Variants in PRUNE2 observed in about 807,000 individuals in gnomAD.
PRUNE2 encodes the protein protein prune homolog 2.
In PRUNE2, 164 loss-of-function variants were observed where a neutral mutation model predicts 252.0. The observed-to-expected ratio is 0.65, with a 90% CI of 0.57 to 0.74. PRUNE2 has a LOEUF of 0.74. PRUNE2 is among the 30% of genes least tolerant of loss of function. The pLI is 0.00. For synonymous variants in PRUNE2, 1,292 were observed against 1,350.2 expected (o/e 0.96, Z 0.94); for missense variants, 3,495 against 3,711.0 (o/e 0.94, Z 1.51).
chr9:76,701,764 T>C (rs1459169463), intron 9 of PRUNE2, among the ~76,000 whole-genome samples: 1 of 152,226 alleles, frequency 6.6e-6, no homozygotes, highest in East Asian at 1.9e-4. Flanking sequence ...ATTCTTTCCA[T>C]TGTCCTTGTT....
rs371500596 is a variant in PRUNE2, at chr9:76,642,086, GT to G, written c.8728+2652del. The G allele has an allele frequency of 6.3e-5, 53 of 842,578 alleles. No homozygotes were observed. The Middle Eastern group carries it at 8.8e-4, about 14-fold the overall frequency. 52.2% of individuals were successfully genotyped at this position (842,578 alleles called of 1,614,324 possible). Reference sequence around the variant, plus strand: ...TTATTGTTCTCCATTATTTAAATGGGTTTCTCAGCTCCAAGTTCAAAAAAAA... The same window carrying G: ...TTATTGTTCTCCATTATTTAAATGGGTTCTCAGCTCCAAGTTCAAAAAAAA... On this transcript the variant is annotated intron_variant, in intron 12 of 18. Coordinates refer to ENST00000376718, the MANE Select transcript of PRUNE2 (RefSeq NM_015225.3).
At position 76,809,830 on chromosome 9, in the gene PRUNE2, C is replaced by A. The variant is rs1010235365; in HGVS notation, c.756+13802G>T. On this transcript the variant is annotated intron_variant, in intron 6 of 18. Transcript: ENST00000376718. ...AAAATAAATGTTTGATGACAAATGA[C>A]CACGTTAATGGGTGATTAAGTGGAT... 3.3e-5 allele frequency among the ~76,000 whole-genome samples: 5 copies of A among 152,312 alleles called. No individual in the cohort carries two copies. The East Asian group carries it at 7.7e-4, about 23-fold the overall frequency.
At chr9:76,642,543 C>T (rs999462617) in intron 12 of PRUNE2, among the ~76,000 whole-genome samples, 2 of 152,194 alleles carry the variant, frequency 1.3e-5, no homozygotes, top group African/African-American at 4.8e-5. Context: ...GTGTAGCTGG[C>T]ACTTCTCTAC....
At chr9:76,663,247 T>C (rs2039474015) in intron 9 of PRUNE2, among the ~76,000 whole-genome samples, 2 of 152,228 alleles carry the variant, frequency 1.3e-5, no homozygotes, top group Admixed American at 1.3e-4. Context: ...AACAGTTCGC[T>C]AACCCAGCTG....
intron 9 of PRUNE2, among the ~76,000 whole-genome samples, chr9:76,689,696 C>T (rs1423208712): frequency 6.6e-6 from 1 of 152,074 alleles, no homozygotes; most frequent in East Asian, 1.9e-4. Context: ...GGAAGTAGCA[C>T]AAGGTCCAGA....
At chr9:76,843,725 CTTTTTTTTTT>C (rs71501394) in intron 4 of PRUNE2, among the ~76,000 whole-genome samples, 1 of 128,174 alleles carries the variant, frequency 7.8e-6, no homozygotes. Flanking sequence ...CTTGATTCCT[CTTTTTTTTTT>C]TTTTTTTTTT....
chr9:76,629,763 C>T (rs1836680187), intron 15 of PRUNE2, among the ~76,000 whole-genome samples: 1 of 152,122 alleles, frequency 6.6e-6, no homozygotes, highest in African/African-American at 2.4e-5. Flanking sequence ...CACTCCCAAC[C>T]CCCAGCTTCT....
chr9:76,781,979 C>T (rs1246337617), intron 6 of PRUNE2, among the ~76,000 whole-genome samples: 1 of 151,888 alleles, frequency 6.6e-6, no homozygotes, highest in Non-Finnish European at 1.5e-5. Context: ...CTTTGGGAGG[C>T]CGAAGCAGGT....
intron 1 of PRUNE2, among the ~76,000 whole-genome samples, chr9:76,869,975 A>G (rs1337990160): frequency 6.6e-6 from 1 of 152,194 alleles, no homozygotes; most frequent in Non-Finnish European, 1.5e-5. Flanking sequence ...TAGATTATGG[A>G]AGGGACCTTT....
chr9:76,844,878 A>T (rs542199445), intron 4 of PRUNE2, among the ~76,000 whole-genome samples: 1 of 151,980 alleles, frequency 6.6e-6, no homozygotes, highest in Admixed American at 6.6e-5. Context: ...GAAAAGCAAA[A>T]TCCAGCCAGG....
At chr9:76,760,032 C>A (rs2051547005) in intron 6 of PRUNE2, 1 of 152,272 alleles carries the variant, frequency 6.6e-6, no homozygotes, top group Non-Finnish European at 1.5e-5. Flanking sequence ...TGTACACTAA[C>A]ATAATAATAG....
chr9:76,707,438 C>A lies in PRUNE2; in HGVS notation c.4836G>T (p.Lys1612Asn), dbSNP rs1403864708. The A allele has an allele frequency of 1.9e-6, 3 of 1,613,814 alleles. No homozygotes were observed. In the African/African-American group the frequency reaches 4.0e-5, roughly 22 times the overall value. Residue 1612 changes from lysine (K) to asparagine (N), a missense_variant, in exon 8 of 19, where the codon AAG becomes AAT. Coordinates refer to ENST00000376718, the MANE Select transcript of PRUNE2 (RefSeq NM_015225.3). ...LEKNRINEFE[K>N]SFDRKTPTFL... ...ATGTAGGAGTTTTGCGATCAAAGCT[C>A]TTTTCAAACTCATTTATTCTGTTTT...
intron 1 of PRUNE2, among the ~76,000 whole-genome samples, chr9:76,875,555 G>A (rs1370248423): frequency 6.6e-6 from 1 of 151,870 alleles, no homozygotes; most frequent in Admixed American, 6.6e-5. Flanking sequence ...TAGTAGAGAC[G>A]GGGTTTCACC....
chr9:76,826,518 C>T, intron 5 of PRUNE2, 62 bp downstream of exon 5: 2 of 1,221,954 alleles, frequency 1.6e-6, no homozygotes, highest in Non-Finnish European at 2.3e-6. Context: ...TCTGATGATG[C>T]TCCATGCCAC....
chr9:76,629,292 TAA>T lies in PRUNE2; in HGVS notation c.9051-4_9051-3del, dbSNP rs370679936. ...TTAATTTTACTGCTGAATTTTGAACTAAAAAAAAAAAAAAGAAAAAAATATGT... is the reference window on the plus strand; with the variant it reads ...TTAATTTTACTGCTGAATTTTGAACTAAAAAAAAAAAAGAAAAAAATATGT... On this transcript the variant is annotated splice_region_variant and splice_polypyrimidine_tract_variant and intron_variant, in intron 15 of 18. Coordinates refer to ENST00000376718, the MANE Select transcript of PRUNE2 (RefSeq NM_015225.3). The T allele has an allele frequency of 0.017, 18,463 of 1,110,232 alleles. No individual in the cohort carries two copies. The highest frequency in any genetic ancestry group is 0.022 in the South Asian group (1,425 of 64,910). The allele number at this position is 1,110,232 out of a possible 1,614,324, so 68.8% of individuals were successfully genotyped here.
intron 12 of PRUNE2, chr9:76,644,447 A>G: frequency 2.3e-6 from 1 of 435,036 alleles, no homozygotes; most frequent in South Asian, 2.0e-5. Context: ...CCAAACAGAC[A>G]TTTAAATTAG....
intron 6 of PRUNE2, among the ~76,000 whole-genome samples, chr9:76,776,573 T>TG (rs36043528): frequency 0.53 from 75,630 of 143,440 alleles, 21,683 homozygotes; most frequent in African/African-American, 0.75. Context: ...TGGAGTGCAG[T>TG]GCACAATCTC....
intron 9 of PRUNE2, among the ~76,000 whole-genome samples, chr9:76,666,286 G>A (rs996643294): frequency 6.6e-6 from 1 of 152,140 alleles, no homozygotes; most frequent in African/African-American, 2.4e-5. Flanking sequence ...TTTCCCCGGG[G>A]AAGTTTAGAG....
chr9:76,836,687 G>C (rs769526407), intron 4 of PRUNE2, among the ~76,000 whole-genome samples: 4 of 152,130 alleles, frequency 2.6e-5, no homozygotes, highest in Non-Finnish European at 4.4e-5. Flanking sequence ...GCAAGACCTA[G>C]CTATTGTAAG....
Sources: allele counts gnomAD v4.1 joint callset (sites outside exome capture counted in the v4.1 genomes callset), GRCh38; gene constraint gnomAD v4.1.1; transcripts MANE v1.5; gene names NCBI Gene and HGNC (gene_info 2026-07-23, HGNC 2026-07-21).